The following ALDH4A1 variants were observed in gnomAD, a reference collection of about 807,000 sequenced individuals.
ALDH4A1 encodes delta-1-pyrroline-5-carboxylate dehydrogenase, mitochondrial.
In ALDH4A1, 46 loss-of-function variants were observed where a neutral mutation model predicts 70.5. The observed-to-expected ratio is 0.65, with a 90% CI of 0.51 to 0.83. The LOEUF is 0.83. Ranked by LOEUF, ALDH4A1 falls within the 40% of genes least tolerant of loss-of-function variation. The pLI, the probability that ALDH4A1 is intolerant of heterozygous loss-of-function variation, is 0.00. For missense variants in ALDH4A1, 749 were observed against 766.5 expected, an observed-to-expected ratio of 0.98 and a Z score of 0.27; for synonymous variants, 323 against 324.3, an observed-to-expected ratio of 1.00 and a Z score of 0.04.
At chr1:18,876,591 G>A (rs2100556540) in intron 11 of ALDH4A1, 124 bp from the exon 12 acceptor site, 1 of 1,162,638 alleles carries the variant, frequency 8.6e-7, no homozygotes, top group Non-Finnish European at 1.2e-6. Flanking sequence ...CAGGGGCAGG[G>A]GTAGGGGACG....
At chr1:18,885,914 G>A (rs1935184602) in intron 4 of ALDH4A1, among the ~76,000 whole-genome samples, 1 of 152,210 alleles carries the variant, frequency 6.6e-6, no homozygotes, top group African/African-American at 2.4e-5. Flanking sequence ...TTCTCTCATG[G>A]TCTAATCAAA....
Position 18,890,096 on chromosome 1 carries a change from C to T in ALDH4A1, c.72G>A (p.Trp24Ter). 1 of 1,611,674 alleles carries T rather than the reference C, an allele frequency of 6.2e-7. No individual in the cohort carries two copies. Among genetic ancestry groups the T allele is most frequent in the East Asian group, 2.2e-5 (1 of 44,840 alleles). ...SRPWTGAGLRWKHTSSLKVAN... is the reference protein window; with the variant it reads ...SRPWTGAGLR ...CCACCTTCAGGGAGGAGGTGTGCTT[C>T]CACCGCAGGCTGGAACACAAGGGCA... Residue 24 changes from tryptophan (W) to a stop codon, truncating the protein, a stop_gained, in exon 2 of 15, where the codon TGG becomes TGA. Transcript: ENST00000375341. LOFTEE classifies it high-confidence loss of function.
At position 18,876,460 on chromosome 1, in the gene ALDH4A1, G is replaced by A. The variant is rs1326650238; in HGVS notation, c.1193C>T (p.Ala398Val). 2 of 1,594,572 alleles carry A rather than the reference G, an allele frequency of 1.3e-6. No homozygotes were observed. The highest frequency in any genetic ancestry group is 1.1e-5 in the South Asian group (1 of 89,508). Residue 398 changes from alanine to valine, a missense_variant, in exon 12 of 15, where the codon GCC becomes GTC. Ala to Val is a moderately conservative substitution (Grantham distance 64). Transcript: ENST00000375341. ...GTGCTCCAGCCACTTCTTGATACGG[G>A]CAAAGGACTGGGGTGGGCAGGGAGG... is the stretch of plus-strand genomic sequence containing the variant. Reference protein sequence around the residue: ...FSAVIDAKSFARIKKWLEHAR... With the variant: ...FSAVIDAKSFVRIKKWLEHAR...
In ALDH4A1 at chr1:18,886,463, C is replaced by A. The variant is rs1481391776; in HGVS notation, c.297+1G>T. The A allele has an allele frequency of 6.2e-7, 1 of 1,614,046 alleles. No individual in the cohort carries two copies. Among genetic ancestry groups the A allele is most frequent in the Non-Finnish European group, 8.5e-7 (1 of 1,180,024 alleles). The stretch of plus-strand genomic sequence containing the variant: ...GTCACCAGGCACACAGGCTCACTCA[C>A]CTTGTCTGCATAACAGAACTTGGCC... On this transcript the variant is annotated splice_donor_variant, in intron 4 of 14. Coordinates refer to ENST00000375341, the MANE Select transcript of ALDH4A1 (RefSeq NM_003748.4). LOFTEE classifies it high-confidence loss of function.
Position 18,902,466 on chromosome 1 carries a change from C to CCCCGGT in ALDH4A1, c.52_57dup (p.Thr18_Gly19dup). 7.1e-7 allele frequency: 1 copy of CCCCGGT among 1,401,346 alleles called. No individual in the cohort carries two copies. The allele number at this position is 1,401,346 out of a possible 1,614,324, so 86.8% of individuals were successfully genotyped here. A position where few individuals can be genotyped will look rare whatever the true frequency, so the allele number is the denominator to read the frequency against. On this transcript the variant is annotated inframe_insertion, in exon 1 of 15. Coordinates refer to ENST00000375341, the MANE Select transcript of ALDH4A1 (RefSeq NM_003748.4). ...CCGGGCCCCGTGCTCACTCACCCGG[C>CCCCGGT]CCCGGTCCAGGGGCGGGACAGCAGG...
chr1:18,879,834 CA>C (rs2100566715), intron 8 of ALDH4A1, among the ~76,000 whole-genome samples: 1 of 152,322 alleles, frequency 6.6e-6, no homozygotes, highest in South Asian at 2.1e-4. Flanking sequence ...CCTGAGAGGC[CA>C]AACCGAGGAG....
chr1:18,885,962 C>T (rs1935186272), intron 4 of ALDH4A1, among the ~76,000 whole-genome samples: 1 of 152,212 alleles, frequency 6.6e-6, no homozygotes, highest in Non-Finnish European at 1.5e-5. Context: ...CCCCTTAACC[C>T]ACCATCCAGA....
chr1:18,895,032 G>T (rs150905505), intron 1 of ALDH4A1, among the ~76,000 whole-genome samples: 17 of 152,122 alleles, frequency 1.1e-4, no homozygotes, highest in African/African-American at 3.9e-4. Flanking sequence ...ATCCATTCAC[G>T]CATTTATGCA....
chr1:18,877,440 C>T lies in ALDH4A1; in HGVS notation c.1113G>A (p.Glu371=), dbSNP rs1374331759. Reference sequence around the variant, plus strand: ...CGTCGCCCACTTTGATCCGACTGTGCTCCTCCAGCAGCCGCCCTTTGATCT... The same window carrying T: ...CGTCGCCCACTTTGATCCGACTGTGTTCCTCCAGCAGCCGCCCTTTGATCT... ...WPQIKGRLLE[E]HSRIKVGDPA... The change falls in exon 10 of 15, where the codon GAG becomes GAA. Residue 371 remains glutamate, a synonymous_variant. Transcript: ENST00000375341. 2 of 1,585,536 alleles carry T rather than the reference C, an allele frequency of 1.3e-6. No homozygotes were observed. Among genetic ancestry groups the T allele is most frequent in the Non-Finnish European group, 1.7e-6 (2 of 1,165,640 alleles).
Position 18,881,604 on chromosome 1 carries a change from G to A in ALDH4A1, c.866+96C>T, listed in dbSNP as rs1271191498. 2.5e-5 allele frequency: 34 copies of A among 1,383,192 alleles called. 1 individual carries two copies. The highest frequency in any genetic ancestry group is 3.8e-4 in the Middle Eastern group (2 of 5,226). The allele number at this position is 1,383,192 out of a possible 1,614,324, so 85.7% of individuals were successfully genotyped here. ...AAGTAAGGGAGTAGAGTCCGTGCAT[G>A]ACCCCTGGGTTCACAGCCCCATCCC... is the stretch of plus-strand genomic sequence containing the variant. On this transcript the variant is annotated intron_variant, in intron 8 of 14. Transcript: ENST00000375341.
chr1:18,885,437 C>G, intron 5 of ALDH4A1, 36 bp downstream of exon 5: 1 of 618,506 alleles, frequency 1.6e-6, no homozygotes. Context: ...TCCCACCCCA[C>G]CCCGCCCCAC....
chr1:18,871,716 A>T lies in ALDH4A1; in HGVS notation c.*1129T>A, dbSNP rs1934445758. ...TCCTGGAGGAAGACCCAACACTTTC[A>T]CAGTCCCCTAAGAACCATCCTTGAA... On this transcript the variant is annotated 3_prime_UTR_variant, in exon 15 of 15. Transcript: ENST00000375341. 1.3e-5 allele frequency: 2 copies of T among 152,286 alleles called. No individual in the cohort carries two copies. Among genetic ancestry groups the T allele is most frequent in the South Asian group, 4.1e-4 (2 of 4,828 alleles). The allele number at this position is 152,286 out of a possible 1,614,324, so 9.4% of individuals were successfully genotyped here. A position where few individuals can be genotyped will look rare whatever the true frequency, so the allele number is the denominator to read the frequency against.
At chr1:18,886,331 G>A (rs1935198868) in intron 4 of ALDH4A1, 133 bp downstream of exon 4, 1 of 999,536 alleles carries the variant, frequency 1.0e-6, no homozygotes, top group Admixed American at 1.9e-5. Flanking sequence ...GCCACCCCCT[G>A]CCCACCTACC....
Position 18,898,700 on chromosome 1 carries a change from C to T in ALDH4A1, c.62+3762G>A, listed in dbSNP as rs28409312. On this transcript the variant is annotated intron_variant, in intron 1 of 14. Coordinates refer to ENST00000375341, the MANE Select transcript of ALDH4A1 (RefSeq NM_003748.4). This position sits in a 1 kb window ranked among gnomAD's most constrained non-coding sequence, Gnocchi z 4.3. Reference sequence around the variant, plus strand: ...GCCCAGAGAGGGTGAGTAACCTGCCCGGGGCCACAGAGCTGCCAAGAGTTG... The same window carrying T: ...GCCCAGAGAGGGTGAGTAACCTGCCTGGGGCCACAGAGCTGCCAAGAGTTG... Among the ~76,000 whole-genome samples the T allele has an allele frequency of 2.4e-3, 369 of 152,214 alleles. 5 individuals carry two copies. The highest frequency in any genetic ancestry group is 8.5e-3 in the African/African-American group (352 of 41,532).
chr1:18,896,848 G>A (rs376089283), intron 1 of ALDH4A1, among the ~76,000 whole-genome samples: 5 of 151,708 alleles, frequency 3.3e-5, no homozygotes, highest in African/African-American at 7.3e-5. Flanking sequence ...AGCCAAAATC[G>A]TGCCACTGCA....
intron 1 of ALDH4A1, among the ~76,000 whole-genome samples, chr1:18,897,586 A>G (rs906807073): frequency 5.3e-5 from 8 of 152,354 alleles, no homozygotes; most frequent in Admixed American, 3.3e-4. Context: ...GTTCTGAAGC[A>G]TTTCAGATGA....
In ALDH4A1 at chr1:18,877,479, G is replaced by C. The variant is rs765042785; in HGVS notation, c.1074C>G (p.His358Gln). 1.3e-6 allele frequency: 2 copies of C among 1,599,630 alleles called. No individual in the cohort carries two copies. The highest frequency in any genetic ancestry group is 3.4e-5 in the Admixed American group (2 of 58,362). The change falls in exon 10 of 15, where the codon CAC becomes CAG. Residue 358 changes from histidine to glutamine, a missense_variant. By Grantham distance (24) the His-to-Gln change is conservative. Coordinates refer to ENST00000375341, the MANE Select transcript of ALDH4A1 (RefSeq NM_003748.4). The stretch of plus-strand genomic sequence containing the variant: ...GCCCTTTGATCTGCGGCCACAGCGA[G>C]TGCGGCACGTAGAGACGCGAGCACG... ...CSACSRLYVP[H>Q]SLWPQIKGRL...
intron 12 of ALDH4A1, 54 bp downstream of exon 12, chr1:18,876,261 T>G (rs1934674027): frequency 3.1e-6 from 5 of 1,595,088 alleles, no homozygotes; most frequent in Non-Finnish European, 4.3e-6. Context: ...GTGTGTGTGC[T>G]GTGCTCCGGT....
rs2100568988 is a variant in ALDH4A1 at position 18,880,589 on chromosome 1, C to A, written c.866+1111G>T. 6.6e-6 allele frequency among the ~76,000 whole-genome samples: 1 copy of A among 152,220 alleles called. No homozygotes were observed. Among genetic ancestry groups the A allele is most frequent in the Non-Finnish European group, 1.5e-5 (1 of 68,008 alleles). Reference sequence around the variant, plus strand: ...AGATCACTGAGAATGAGGGTGCCAACACAGGGGCCCAGAGGAGCCAGCAGG... The same window carrying A: ...AGATCACTGAGAATGAGGGTGCCAAAACAGGGGCCCAGAGGAGCCAGCAGG... On this transcript the variant is annotated intron_variant, in intron 8 of 14. Transcript: ENST00000375341. This position sits in a 1 kb window ranked among gnomAD's most constrained non-coding sequence, Gnocchi z 5.1.
Sources: allele counts gnomAD v4.1 joint callset (sites outside exome capture counted in the v4.1 genomes callset), GRCh38; gene constraint gnomAD v4.1.1; non-coding constraint Gnocchi (gnomAD v3.1); transcripts MANE v1.5; gene names NCBI Gene and HGNC (gene_info 2026-07-23, HGNC 2026-07-21).